Variants in GPN3 observed in about 807,000 individuals in gnomAD.
GPN3 encodes GPN-loop GTPase 3.
In GPN3, 31 loss-of-function variants were observed where a neutral mutation model predicts 38.7. That is an observed-to-expected ratio of 0.80 (90% confidence interval 0.60 to 1.08). GPN3 has a LOEUF of 1.08. Among genes scored for constraint, GPN3 ranks in the 50% least tolerant of loss-of-function variants. GPN3 has a pLI of 0.00. For synonymous variants in GPN3, 116 were observed against 120.2 expected (o/e 0.96, Z 0.23); for missense variants, 301 against 354.4 (o/e 0.85, Z 1.21).
At position 110,455,693 on chromosome 12, in the gene GPN3, C is replaced by A. The variant is rs1363914309; in HGVS notation, c.567-11G>T. ...TCTGGATCTAAAAATCTTTAAAAGA[C>A]AGAAAGACTGATGAATTCAGGAGAC... is the stretch of plus-strand genomic sequence containing the variant. On this transcript the variant is annotated splice_polypyrimidine_tract_variant and intron_variant, in intron 5 of 7. Coordinates refer to ENST00000228827, the MANE Select transcript of GPN3 (RefSeq NM_016301.4). The A allele has an allele frequency of 8.7e-7, 1 of 1,148,040 alleles. No individual in the cohort carries two copies. The allele number at this position is 1,148,040 out of a possible 1,614,324, so 71.1% of individuals were successfully genotyped here.
chr12:110,457,765 T>C (rs2135517962), intron 3 of GPN3, 131 bp from the exon 4 acceptor site: 1 of 529,512 alleles, frequency 1.9e-6, no homozygotes, highest in South Asian at 3.1e-5. Flanking sequence ...CCACAGCCTC[T>C]CAAAGCAATC....
At chr12:110,465,482 C>G (rs745432070) in intron 1 of GPN3, among the ~76,000 whole-genome samples, 1 of 152,190 alleles carries the variant, frequency 6.6e-6, no homozygotes, top group Admixed American at 6.6e-5. Context: ...AGGCTCCTTA[C>G]TGTTCTAAAT....
rs983384321 is a variant in GPN3, at chr12:110,458,094, C to T, written c.326-460G>A. Among the ~76,000 whole-genome samples, 4 of 151,608 alleles carry T rather than the reference C, an allele frequency of 2.6e-5. No homozygotes were observed. The highest frequency in any genetic ancestry group is 9.7e-5 in the African/African-American group (4 of 41,214). Reference sequence around the variant, plus strand: ...TCACGCCACTGCACTCCAGCCTGGGCGACAGAGTAAGACTCTGTCTTTAAA... The same window carrying T: ...TCACGCCACTGCACTCCAGCCTGGGTGACAGAGTAAGACTCTGTCTTTAAA... On this transcript the variant is annotated intron_variant, in intron 3 of 7. Transcript: ENST00000228827. The surrounding 1 kb of genome is among the most constrained non-coding windows in gnomAD (Gnocchi z 4.4).
At chr12:110,459,937 A>C in intron 2 of GPN3, 75 bp from the exon 3 acceptor site, 1 of 1,226,018 alleles carries the variant, frequency 8.2e-7, no homozygotes, top group Non-Finnish European at 1.2e-6. Flanking sequence ...ATAGAACATA[A>C]AAGTTAATAA....
chr12:110,458,209 T>C lies in GPN3; in HGVS notation c.326-575A>G, dbSNP rs988580989. Among the ~76,000 whole-genome samples, 2 of 150,460 alleles carry C rather than the reference T, an allele frequency of 1.3e-5. No individual in the cohort carries two copies. Among genetic ancestry groups the C allele is most frequent in the Non-Finnish European group, 1.5e-5 (1 of 67,662 alleles). ...TATGAGTGTTATTGGCCAGATGCCATGGTTCACACACCTGTAATCCCAGCA... is the reference window on the plus strand; with the variant it reads ...TATGAGTGTTATTGGCCAGATGCCACGGTTCACACACCTGTAATCCCAGCA... On this transcript the variant is annotated intron_variant, in intron 3 of 7. Transcript: ENST00000228827. This position sits in a 1 kb window ranked among gnomAD's most constrained non-coding sequence, Gnocchi z 4.4.
At chr12:110,468,701 C>T (rs868314794), upstream of GPN3, 18 of 1,518,896 alleles carry the variant, frequency 1.2e-5, no homozygotes, top group Admixed American at 4.0e-5. Context: ...CGCTCAGCGA[C>T]CGCAGCGCTC....
chr12:110,463,606 C>CAAAAAAAAA lies in GPN3; in HGVS notation c.157+1491_157+1499dup, dbSNP rs60072879. ...GCAGCATGGTGAAACCCTGTCTCTA[C>CAAAAAAAAA]AAAAAAAAAAAAAAAAAAAAAAAAA... On this transcript the variant is annotated intron_variant, in intron 2 of 7. Transcript: ENST00000228827. Among the ~76,000 whole-genome samples the CAAAAAAAAA allele has an allele frequency of 2.0e-4, 13 of 64,288 alleles. 1 individual carries two copies. Among genetic ancestry groups the CAAAAAAAAA allele is most frequent in the Non-Finnish European group, 2.7e-4 (10 of 37,282 alleles). The allele number at this position is 64,288 out of a possible 152,430, so 42.2% of individuals were successfully genotyped here.
In GPN3 at chr12:110,468,229, A is replaced by G. The variant is rs776481440; in HGVS notation, c.-26T>C. 8.7e-6 allele frequency: 14 copies of G among 1,607,538 alleles called. No individual in the cohort carries two copies. The African/African-American group carries it at 1.7e-4, about 20-fold the overall frequency. On this transcript the variant is annotated 5_prime_UTR_variant, in exon 1 of 8. Transcript: ENST00000228827. ...GTTGGCTCCCGGAGCCGCCCGCCAC[A>G]CTCCCTTAGCCTTCGCGCGACGCCC...
intron 1 of GPN3, among the ~76,000 whole-genome samples, chr12:110,467,652 A>G (rs901433973): frequency 6.6e-6 from 1 of 151,730 alleles, no homozygotes; most frequent in Non-Finnish European, 1.5e-5. Flanking sequence ...CTAACACATT[A>G]TCTGATGCTC....
At chr12:110,461,202 T>A in intron 2 of GPN3, 1 of 1,290,434 alleles carries the variant, frequency 7.7e-7, no homozygotes, top group Non-Finnish European at 1.1e-6. Flanking sequence ...AACAAAGCTG[T>A]CTGGGCCAAA....
chr12:110,455,208 C>T (rs2062541357), intron 6 of GPN3, among the ~76,000 whole-genome samples: 1 of 152,026 alleles, frequency 6.6e-6, no homozygotes, highest in Non-Finnish European at 1.5e-5. Context: ...ACTGCAACCT[C>T]CGCCTCCCGA....
chr12:110,468,709 C>G, upstream of GPN3: 1 of 1,510,354 alleles, frequency 6.6e-7, no homozygotes, highest in Non-Finnish European at 8.8e-7. Flanking sequence ...GACCGCAGCG[C>G]TCCTGCCCCT....
At chr12:110,463,507 C>T (rs758695534) in intron 2 of GPN3, among the ~76,000 whole-genome samples, 27 of 145,146 alleles carry the variant, frequency 1.9e-4, no homozygotes, top group Non-Finnish European at 2.5e-4. Context: ...CAGTGGCTCA[C>T]GCCTCTAATC....
At chr12:110,454,251 C>T (rs2062534160) in intron 6 of GPN3, among the ~76,000 whole-genome samples, 1 of 152,170 alleles carries the variant, frequency 6.6e-6, no homozygotes, top group African/African-American at 2.4e-5. Flanking sequence ...GCTGACTGAC[C>T]AGCCCACAGC....
At chr12:110,455,410 G>A (rs1165011921) in intron 6 of GPN3, among the ~76,000 whole-genome samples, 176 bp downstream of exon 6, 1 of 151,834 alleles carries the variant, frequency 6.6e-6, no homozygotes, top group Admixed American at 6.6e-5. Context: ...TTACAGGTGT[G>A]AGCCACTGCA....
rs753784426 is a variant in GPN3, at chr12:110,459,704, C to T, written c.316G>A (p.Asp106Asn). Residue 106 changes from aspartate to asparagine, a missense_variant, in exon 3 of 8, where the codon GAT (aspartate) becomes AAT (asparagine). Coordinates refer to ENST00000228827, the MANE Select transcript of GPN3 (RefSeq NM_016301.4). ...GHVEDDYILF[D>N]CPGQIELYTH... ...CAAATTGTTGATTCACCTGGACAAT[C>T]AAAAAGGATATAGTCGTCCTCTACA... 6.2e-7 allele frequency: 1 copy of T among 1,610,066 alleles called. No homozygotes were observed. Among genetic ancestry groups the T allele is most frequent in the East Asian group, 2.2e-5 (1 of 44,860 alleles).
In GPN3 at chr12:110,453,159, TGTTTATATATTTTTCAG is replaced by T. The variant is rs951869909; in HGVS notation, c.793-80_793-64del. On this transcript the variant is annotated intron_variant, in intron 7 of 7. Transcript: ENST00000228827. Reference sequence around the variant, plus strand: ...TTTCCCCTCAGTCAGAACTAGTATGTGTTTATATATTTTTCAGGTAATACCCTATGTGGAACTAATTA... The same window carrying T: ...TTTCCCCTCAGTCAGAACTAGTATGTGTAATACCCTATGTGGAACTAATTA... 47 of 800,250 alleles carry T rather than the reference TGTTTATATATTTTTCAG, an allele frequency of 5.9e-5. No individual in the cohort carries two copies. In the Middle Eastern group the frequency reaches 9.5e-4, roughly 16 times the overall value. 49.6% of individuals were successfully genotyped at this position (800,250 alleles called of 1,614,324 possible). A position where few individuals can be genotyped will look rare whatever the true frequency, so the allele number is the denominator to read the frequency against.
chr12:110,461,054 C>T (rs1015176919), intron 2 of GPN3: 25 of 1,584,924 alleles, frequency 1.6e-5, no homozygotes, highest in Middle Eastern at 2.1e-4. Flanking sequence ...AGTGGTAACC[C>T]GAGAATACAC....
chr12:110,468,521 C>T (rs1475711243), upstream of GPN3: 4 of 1,537,298 alleles, frequency 2.6e-6, no homozygotes, highest in Admixed American at 2.0e-5. Flanking sequence ...GCGCCACGTG[C>T]TTCGGTCCGT....
Sources: allele counts gnomAD v4.1 joint callset (sites outside exome capture counted in the v4.1 genomes callset), GRCh38; gene constraint gnomAD v4.1.1; non-coding constraint Gnocchi (gnomAD v3.1); transcripts MANE v1.5; gene names NCBI Gene and HGNC (gene_info 2026-07-23, HGNC 2026-07-21).